CAMTA1: variants seen among roughly 807,000 people sequenced by gnomAD.
CAMTA1 encodes calmodulin-binding transcription activator 1.
CAMTA1 carries 27 observed loss-of-function variants against 170.9 expected under a neutral mutation model. That is an observed-to-expected ratio of 0.16 (90% CI 0.12 to 0.22). CAMTA1 has a LOEUF of 0.22. Among genes scored for constraint, CAMTA1 ranks in the 10% least tolerant of loss-of-function variants. The pLI is 1.00. For missense variants in CAMTA1, 1,619 were observed against 2,217.2 expected, an observed-to-expected ratio of 0.73 and a Z score of 5.42; for synonymous variants, 833 against 891.5, an observed-to-expected ratio of 0.93 and a Z score of 1.17.
chr1:7,530,816 T>TTG (rs1202761926), intron 6 of CAMTA1, among the ~76,000 whole-genome samples: 1 of 145,246 alleles, frequency 6.9e-6, no homozygotes, highest in Non-Finnish European at 1.5e-5. Context: ...GCTCTTGTTT[T>TTG]TTTTTTTTTT....
intron 3 of CAMTA1, among the ~76,000 whole-genome samples, chr1:7,055,989 C>T (rs1169704038): frequency 6.6e-6 from 1 of 152,184 alleles, no homozygotes; most frequent in African/African-American, 2.4e-5. Flanking sequence ...TACAGCGAGT[C>T]ACCTGCCCCT....
At position 7,732,320 on chromosome 1, in the gene CAMTA1, G is replaced by A. The variant is rs563012464; in HGVS notation, c.2915-128G>A. On this transcript the variant is annotated intron_variant, in intron 11 of 22. Transcript: ENST00000303635. The surrounding 1 kb of genome is among the most constrained non-coding windows in gnomAD (Gnocchi z 4.1). ...ATCGTGCTGGGGAACTCTGGCTGGC[G>A]GAGACCTCTCTGGTTTGGTGAAGTT... The A allele has an allele frequency of 1.6e-3, 1,143 of 729,360 alleles. 3 individuals are homozygous for A. Among genetic ancestry groups the A allele is most frequent in the Non-Finnish European group, 1.7e-3 (720 of 419,280 alleles). 45.2% of individuals were successfully genotyped at this position (729,360 alleles called of 1,614,324 possible). A position where few individuals can be genotyped will look rare whatever the true frequency, so the allele number is the denominator to read the frequency against.
intron 6 of CAMTA1, among the ~76,000 whole-genome samples, chr1:7,586,510 G>A (rs964659176): frequency 1.1e-4 from 16 of 152,066 alleles, no homozygotes; most frequent in South Asian, 6.2e-4. Context: ...TGACTTGGGC[G>A]CCCAGGCCAG....
chr1:7,116,983 T>G (rs1157793923), intron 4 of CAMTA1, among the ~76,000 whole-genome samples: 1 of 150,854 alleles, frequency 6.6e-6, no homozygotes, highest in Non-Finnish European at 1.5e-5. Flanking sequence ...ACTACTTTTT[T>G]TTTTGACAGA....
chr1:7,737,030 G>A, intron 14 of CAMTA1, 21 bp downstream of exon 14: 1 of 1,567,596 alleles, frequency 6.4e-7, no homozygotes, highest in Non-Finnish European at 8.8e-7. Flanking sequence ...GATTCCTGTA[G>A]CCCCCCCTTG....
At chr1:7,381,131 T>C (rs1328498168) in intron 5 of CAMTA1, among the ~76,000 whole-genome samples, 1 of 151,612 alleles carries the variant, frequency 6.6e-6, no homozygotes, top group Non-Finnish European at 1.5e-5. Context: ...GACGGTTTGA[T>C]TTTTCTTTTT....
chr1:7,093,977 C>T lies in CAMTA1; in HGVS notation c.302+2606C>T, dbSNP rs1296305196. ...TTTCTGATTCTGCTTCCCATGCCGTCGGGTCTGTCCATGCACAGGTGTCAC... is the reference window on the plus strand; with the variant it reads ...TTTCTGATTCTGCTTCCCATGCCGTTGGGTCTGTCCATGCACAGGTGTCAC... On this transcript the variant is annotated intron_variant, in intron 4 of 22. Coordinates refer to ENST00000303635, the MANE Select transcript of CAMTA1 (RefSeq NM_015215.4). This position sits in a 1 kb window ranked among gnomAD's most constrained non-coding sequence, Gnocchi z 4.6. 6.6e-6 allele frequency among the ~76,000 whole-genome samples: 1 copy of T among 152,202 alleles called. No homozygotes were observed. Among genetic ancestry groups the T allele is most frequent in the South Asian group, 2.1e-4 (1 of 4,822 alleles).
intron 7 of CAMTA1, among the ~76,000 whole-genome samples, chr1:7,648,346 CGTGCCATT>C (rs1163275899): frequency 1.3e-5 from 2 of 150,468 alleles, no homozygotes; most frequent in East Asian, 3.9e-4. Context: ...GAGCCAAGAT[CGTGCCATT>C]GTGCTCCAGC....
intron 3 of CAMTA1, among the ~76,000 whole-genome samples, chr1:7,039,057 T>C (rs1251853218): frequency 6.6e-6 from 1 of 151,998 alleles, no homozygotes; most frequent in Non-Finnish European, 1.5e-5. Flanking sequence ...AAAAATAAAA[T>C]AAAATAAATA....
chr1:7,064,151 T>C lies in CAMTA1; in HGVS notation c.235-27153T>C, dbSNP rs1471487199. 2.0e-5 allele frequency among the ~76,000 whole-genome samples: 3 copies of C among 150,612 alleles called. No homozygotes were observed. The highest frequency in any genetic ancestry group is 7.3e-5 in the African/African-American group (3 of 40,942). On this transcript the variant is annotated intron_variant, in intron 3 of 22. Coordinates refer to ENST00000303635, the MANE Select transcript of CAMTA1 (RefSeq NM_015215.4). This position sits in a 1 kb window ranked among gnomAD's most constrained non-coding sequence, Gnocchi z 5.4. ...TCTTCTCCTCCTCCTCCTTCTCTTCTTCCCTCCTCCTCCTCTTCCTTCTTC... is the reference window on the plus strand; with the variant it reads ...TCTTCTCCTCCTCCTCCTTCTCTTCCTCCCTCCTCCTCCTCTTCCTTCTTC...
intron 4 of CAMTA1, among the ~76,000 whole-genome samples, chr1:7,095,972 A>G (rs529218047): frequency 1.3e-5 from 2 of 152,360 alleles, no homozygotes. Flanking sequence ...AAGTAAGAGC[A>G]TGTCCTTCCC....
At chr1:7,749,347 G>T (rs191420811) in intron 19 of CAMTA1, among the ~76,000 whole-genome samples, 1 of 152,222 alleles carries the variant, frequency 6.6e-6, no homozygotes, top group Non-Finnish European at 1.5e-5. Flanking sequence ...AGCCAGTTGA[G>T]TTCATGATCC....
In CAMTA1 at chr1:7,216,849, T is replaced by C. The variant is rs952987519; in HGVS notation, c.303-32642T>C. ...TCCTGTAAAAGTGGTTGTAGTCTTG[T>C]TTGGTGCACTAATACTCATTATGGT... On this transcript the variant is annotated intron_variant, in intron 4 of 22. Transcript: ENST00000303635. This position sits in a 1 kb window ranked among gnomAD's most constrained non-coding sequence, Gnocchi z 4.0. Among the ~76,000 whole-genome samples, 3 of 152,208 alleles carry C rather than the reference T, an allele frequency of 2.0e-5. No individual in the cohort carries two copies. Among genetic ancestry groups the C allele is most frequent in the Non-Finnish European group, 4.4e-5 (3 of 68,050 alleles).
At chr1:7,239,119 A>G (rs1449257307) in intron 4 of CAMTA1, among the ~76,000 whole-genome samples, 2 of 152,196 alleles carry the variant, frequency 1.3e-5, no homozygotes, top group Non-Finnish European at 2.9e-5. Context: ...CCTTCCCTCA[A>G]CATTATTTGG....
At chr1:7,355,891 T>C (rs2085076744) in intron 5 of CAMTA1, among the ~76,000 whole-genome samples, 1 of 152,230 alleles carries the variant, frequency 6.6e-6, no homozygotes, top group Admixed American at 6.5e-5. Flanking sequence ...TCCCTCTGAA[T>C]ACTCTTAATC....
At chr1:7,380,086 C>T (rs1557620752) in intron 5 of CAMTA1, among the ~76,000 whole-genome samples, 1 of 152,214 alleles carries the variant, frequency 6.6e-6, no homozygotes, top group Non-Finnish European at 1.5e-5. Flanking sequence ...GAAATTATTA[C>T]AAATTGTGCA....
chr1:7,168,336 C>A (rs1429597986), intron 4 of CAMTA1, among the ~76,000 whole-genome samples: 2 of 152,170 alleles, frequency 1.3e-5, no homozygotes, highest in South Asian at 4.1e-4. Flanking sequence ...CTTATTCTTG[C>A]ATTACTGAGC....
chr1:7,230,158 G>C (rs1056477115), intron 4 of CAMTA1, among the ~76,000 whole-genome samples: 14 of 152,192 alleles, frequency 9.2e-5, no homozygotes, highest in African/African-American at 3.1e-4. Flanking sequence ...CTGGCTCCTG[G>C]CCCGGCCCTG....
chr1:7,498,161 AGTGT>A (rs539471646), intron 6 of CAMTA1, among the ~76,000 whole-genome samples: 5 of 147,112 alleles, frequency 3.4e-5, no homozygotes, highest in Non-Finnish European at 7.4e-5. Context: ...GAGATTTGTG[AGTGT>A]GTGTGCATGT....
Sources: allele counts gnomAD v4.1 joint callset (sites outside exome capture counted in the v4.1 genomes callset), GRCh38; gene constraint gnomAD v4.1.1; non-coding constraint Gnocchi (gnomAD v3.1); transcripts MANE v1.5; gene names NCBI Gene and HGNC (gene_info 2026-07-23, HGNC 2026-07-21).